GSDME: variants seen among roughly 807,000 people sequenced by gnomAD.
GSDME encodes gasdermin-E.
GSDME carries 44 observed loss-of-function variants against 47.5 expected under a neutral mutation model. That is an observed-to-expected ratio of 0.93 (90% CI 0.73 to 1.19). The LOEUF (loss-of-function observed/expected upper bound fraction) is 1.19, where lower values mean the gene tolerates loss of function less well. Ranked by LOEUF, GSDME falls within the 50% of genes most tolerant of loss-of-function variation. The pLI is 0.00. For missense variants in GSDME, 663 were observed against 604.2 expected, an observed-to-expected ratio of 1.10 and a Z score of -1.02; for synonymous variants, 258 against 252.8, an observed-to-expected ratio of 1.02 and a Z score of -0.20.
the GSDME span, among the ~76,000 whole-genome samples, chr7:24,793,565 G>A: frequency 6.6e-6 from 1 of 151,958 alleles, no homozygotes; most frequent in Non-Finnish European, 1.5e-5. Context: ...CATTCAGGAG[G>A]CCTAATTACT....
chr7:24,779,337 T>C, the GSDME span, among the ~76,000 whole-genome samples: 35 of 152,296 alleles, frequency 2.3e-4, no homozygotes, highest in Non-Finnish European at 5.0e-4. This position sits in a 1 kb window ranked among gnomAD's most constrained non-coding sequence, Gnocchi z 6.0. Flanking sequence ...GATTAACTTA[T>C]TCTTGAGAAG....
intron 9 of GSDME, among the ~76,000 whole-genome samples, chr7:24,699,587 A>G (rs946512108): frequency 4.6e-5 from 7 of 152,174 alleles, no homozygotes; most frequent in African/African-American, 1.4e-4. Flanking sequence ...TGATCTGCCC[A>G]CCTCGGCCTC....
Position 24,744,431 on chromosome 7 carries a change from C to G in GSDME, c.404+131G>C, listed in dbSNP as rs1026309775. 9 of 1,040,780 alleles carry G rather than the reference C, an allele frequency of 8.6e-6. No individual in the cohort carries two copies. In the African/African-American group the frequency reaches 1.4e-4, roughly 16 times the overall value. 64.5% of individuals were successfully genotyped at this position (1,040,780 alleles called of 1,614,324 possible). A position where few individuals can be genotyped will look rare whatever the true frequency, so the allele number is the denominator to read the frequency against. ...GAATGTGCTCCTCATGAAATTTCAA[C>G]ACAAGCGCATTCAATACATGTTTAT... On this transcript the variant is annotated intron_variant, in intron 3 of 9. Transcript: ENST00000645220. This position sits in a 1 kb window ranked among gnomAD's most constrained non-coding sequence, Gnocchi z 4.5.
In GSDME at chr7:24,757,366, TCCCGCAGCCCGCGCCCGCCGCGCACTTA is replaced by T. The variant is rs1313191636; in HGVS notation, c.-20+2_-20+29del. ...GATCCGGAGTGGAGCCCGGAGCGGA[TCCCGCAGCCCGCGCCCGCCGCGCACTTA>T]CCCGCGCGCCCGCTGCTGGGTCCCC... On this transcript the variant is annotated splice_donor_variant and splice_donor_5th_base_variant and intron_variant, in intron 1 of 9. Transcript: ENST00000645220. LOFTEE classifies it low-confidence loss of function (5UTR_SPLICE). This position sits in a 1 kb window ranked among gnomAD's most constrained non-coding sequence, Gnocchi z 5.9. The T allele has an allele frequency of 6.6e-6, 1 of 152,246 alleles. No homozygotes were observed. Among genetic ancestry groups the T allele is most frequent in the African/African-American group, 2.4e-5 (1 of 41,394 alleles). 9.4% of individuals were successfully genotyped at this position (152,246 alleles called of 1,614,324 possible). A position where few individuals can be genotyped will look rare whatever the true frequency, so the allele number is the denominator to read the frequency against.
the GSDME span, among the ~76,000 whole-genome samples, chr7:24,790,038 C>T: frequency 6.6e-6 from 1 of 152,178 alleles, no homozygotes; most frequent in South Asian, 2.1e-4. The surrounding 1 kb of genome is among the most constrained non-coding windows in gnomAD (Gnocchi z 4.1). Flanking sequence ...AAATCCATGC[C>T]ATACTTGCAT....
chr7:24,787,644 A>G, the GSDME span, among the ~76,000 whole-genome samples: 1 of 152,192 alleles, frequency 6.6e-6, no homozygotes, highest in East Asian at 1.9e-4. This position sits in a 1 kb window ranked among gnomAD's most constrained non-coding sequence, Gnocchi z 5.0. Context: ...TAAAGCCATT[A>G]CAACAGTAAT....
At chr7:24,787,313 A>G in the GSDME span, among the ~76,000 whole-genome samples, 1 of 152,222 alleles carries the variant, frequency 6.6e-6, no homozygotes, top group Non-Finnish European at 1.5e-5. This position sits in a 1 kb window ranked among gnomAD's most constrained non-coding sequence, Gnocchi z 5.0. Context: ...TACAAAAGCA[A>G]TAAATGAAAC....
the GSDME span, among the ~76,000 whole-genome samples, chr7:24,794,486 T>TG: frequency 1.3e-5 from 2 of 152,112 alleles, no homozygotes; most frequent in Non-Finnish European, 2.9e-5. Flanking sequence ...TTAACCACCG[T>TG]GGGGGGTCTA....
chr7:24,793,979 T>G, the GSDME span, among the ~76,000 whole-genome samples: 2 of 152,258 alleles, frequency 1.3e-5, no homozygotes, highest in Non-Finnish European at 2.9e-5. Context: ...GTCAGTGGTC[T>G]CAGTGCTTTC....
chr7:24,774,563 C>T, the GSDME span, among the ~76,000 whole-genome samples: 2 of 151,908 alleles, frequency 1.3e-5, no homozygotes, highest in Non-Finnish European at 2.9e-5. Context: ...GATGGAGTCT[C>T]GCTCTGTCAC....
At chr7:24,743,345 TA>T (rs1260681989) in intron 3 of GSDME, among the ~76,000 whole-genome samples, 1 of 152,238 alleles carries the variant, frequency 6.6e-6, no homozygotes, top group Admixed American at 6.5e-5. Context: ...TCTCTTAATT[TA>T]TTTGGATTTG....
intron 2 of GSDME, among the ~76,000 whole-genome samples, chr7:24,746,358 T>C (rs1790669426): frequency 6.6e-6 from 1 of 152,198 alleles, no homozygotes; most frequent in Non-Finnish European, 1.5e-5. Flanking sequence ...CGGGAGAATT[T>C]GGGTAACATT....
intron 3 of GSDME, among the ~76,000 whole-genome samples, chr7:24,722,288 C>T (rs1049947990): frequency 6.6e-5 from 10 of 152,238 alleles, no homozygotes; most frequent in South Asian, 4.2e-4. Context: ...ACAGAAGACA[C>T]GGAAGATGGG....
At chr7:24,753,885 A>G (rs1481247027) in intron 1 of GSDME, among the ~76,000 whole-genome samples, 2 of 152,224 alleles carry the variant, frequency 1.3e-5, no homozygotes, top group African/African-American at 2.4e-5. Context: ...ATCATGCAGC[A>G]TTAGGGGACA....
At chr7:24,770,419 C>T in the GSDME span, among the ~76,000 whole-genome samples, 100 of 152,292 alleles carry the variant, frequency 6.6e-4, 2 homozygotes, top group South Asian at 0.015. This position sits in a 1 kb window ranked among gnomAD's most constrained non-coding sequence, Gnocchi z 4.6. Flanking sequence ...TTCTGTGAGT[C>T]ATTCCAGAGA....
At chr7:24,704,230 C>T (rs1242508312) in intron 8 of GSDME, 1 of 152,182 alleles carries the variant, frequency 6.6e-6, no homozygotes, top group Admixed American at 6.5e-5. Flanking sequence ...ATTTTGATTG[C>T]TCTTCCATGT....
chr7:24,739,578 C>CA lies in GSDME; in HGVS notation c.404+4983dup, dbSNP rs1790421158. On this transcript the variant is annotated intron_variant, in intron 3 of 9. Transcript: ENST00000645220. The surrounding 1 kb of genome is among the most constrained non-coding windows in gnomAD (Gnocchi z 5.1). The stretch of plus-strand genomic sequence containing the variant: ...TATGAAGAACAGTTTGGAGATTCCT[C>CA]AAAAAACTAAAAATAGAGCTACCAT... Among the ~76,000 whole-genome samples, 1 of 152,180 alleles carries CA rather than the reference C, an allele frequency of 6.6e-6. No individual in the cohort carries two copies. Among genetic ancestry groups the CA allele is most frequent in the African/African-American group, 2.4e-5 (1 of 41,524 alleles).
chr7:24,790,458 G>C, the GSDME span, among the ~76,000 whole-genome samples: 1 of 152,174 alleles, frequency 6.6e-6, no homozygotes, highest in Admixed American at 6.5e-5. This position sits in a 1 kb window ranked among gnomAD's most constrained non-coding sequence, Gnocchi z 4.1. Context: ...GAGTTCGCCT[G>C]TTTTTATGGG....
rs1451840558 is a variant in GSDME, at chr7:24,744,385, G to A, written c.404+177C>T. The A allele has an allele frequency of 6.8e-6, 5 of 736,310 alleles. No individual in the cohort carries two copies. In the African/African-American group the frequency reaches 6.9e-5, roughly 10 times the overall value. The allele number at this position is 736,310 out of a possible 1,614,324, so 45.6% of individuals were successfully genotyped here. ...TCTCCCCCCACTCAGGCTAAGAACAGTCAAGCAATTCCAGACTAAAGAATG... is the reference window on the plus strand; with the variant it reads ...TCTCCCCCCACTCAGGCTAAGAACAATCAAGCAATTCCAGACTAAAGAATG... On this transcript the variant is annotated intron_variant, in intron 3 of 9. Transcript: ENST00000645220. The surrounding 1 kb of genome is among the most constrained non-coding windows in gnomAD (Gnocchi z 4.5).
Sources: gnomAD v4.1 joint callset for allele counts (sites outside exome capture counted in the v4.1 genomes callset) on GRCh38, gnomAD v4.1.1 for gene constraint, Gnocchi (gnomAD v3.1) non-coding constraint, MANE v1.5 for transcripts, NCBI Gene and HGNC (gene_info 2026-07-23, HGNC 2026-07-21) for gene names.